The following RALGAPB variants were observed in gnomAD, a reference collection of about 807,000 sequenced individuals.
RALGAPB encodes ral GTPase-activating protein subunit beta.
RALGAPB carries 25 observed loss-of-function variants against 161.1 expected under a neutral mutation model. That is an observed-to-expected ratio of 0.16 (90% CI 0.11 to 0.22). The LOEUF (loss-of-function observed/expected upper bound fraction) is 0.22. Among genes scored for constraint, RALGAPB ranks in the 10% least tolerant of loss-of-function variants. RALGAPB has a pLI of 1.00. For synonymous variants in RALGAPB, 629 were observed against 626.1 expected (o/e 1.00, Z -0.07); for missense variants, 1,391 against 1,815.2 (o/e 0.77, Z 4.25).
intron 23 of RALGAPB, among the ~76,000 whole-genome samples, chr20:38,560,609 T>A (rs1026172925): frequency 2.6e-5 from 4 of 152,186 alleles, no homozygotes; most frequent in African/African-American, 9.7e-5. Context: ...GGATCTGTTT[T>A]GCAGCAAATC....
intron 17 of RALGAPB, 29 bp from the exon 18 acceptor site, chr20:38,541,012 A>G (rs771430710): frequency 1.2e-6 from 2 of 1,607,808 alleles, no homozygotes; most frequent in South Asian, 1.1e-5. Flanking sequence ...GGTGTGTTCT[A>G]AAAATTGATC....
chr20:38,575,270 T>G lies in RALGAPB; in HGVS notation c.*303T>G, dbSNP rs2145557929. 3.7e-6 allele frequency: 1 copy of G among 268,978 alleles called. No individual in the cohort carries two copies. Among genetic ancestry groups the G allele is most frequent in the Non-Finnish European group, 7.1e-6 (1 of 141,430 alleles). 16.7% of individuals were successfully genotyped at this position (268,978 alleles called of 1,614,324 possible). A position where few individuals can be genotyped will look rare whatever the true frequency, so the allele number is the denominator to read the frequency against. ...AGCCTTTTGAGGAGAAAGGCTTTTA[T>G]GCATCTCAGTTAAACACGTGCATTG... On this transcript the variant is annotated 3_prime_UTR_variant, in exon 30 of 30. Coordinates refer to ENST00000262879, the MANE Select transcript of RALGAPB (RefSeq NM_020336.4).
At chr20:38,548,618 A>G in intron 19 of RALGAPB, 71 bp from the exon 20 acceptor site, 1 of 1,174,250 alleles carries the variant, frequency 8.5e-7, no homozygotes, top group South Asian at 1.3e-5. Flanking sequence ...GAAGCTCTGC[A>G]GTTGATAACA....
At position 38,565,440 on chromosome 20, in the gene RALGAPB, A is replaced by G; in HGVS notation, c.3779A>G (p.Glu1260Gly). The G allele has an allele frequency of 1.2e-6, 2 of 1,613,636 alleles. No homozygotes were observed. Among genetic ancestry groups the G allele is most frequent in the Non-Finnish European group, 1.7e-6 (2 of 1,179,694 alleles). The part of the protein sequence containing the change: ...KVLYYADALT[E>G]IAFVVPSPVE... ...CTGTATTATGCTGATGCCCTTACAG[A>G]AATTGCTTTTGTGGTTCCTTCTCCT... Residue 1260 changes from glutamate (E) to glycine (G), a missense_variant, in exon 25 of 30, where the codon GAA (glutamate) becomes GGA (glycine). Physicochemically the swap from Glu to Gly is moderately conservative, Grantham distance 98 (BLOSUM62 -2). Coordinates refer to ENST00000262879, the MANE Select transcript of RALGAPB (RefSeq NM_020336.4).
At chr20:38,537,550 C>G (rs899471212) in intron 16 of RALGAPB, among the ~76,000 whole-genome samples, 1 of 152,120 alleles carries the variant, frequency 6.6e-6, no homozygotes, top group Non-Finnish European at 1.5e-5. Flanking sequence ...TTAGGTGTTA[C>G]GCTAGAAGAA....
At chr20:38,562,995 G>C (rs2087841563) in intron 24 of RALGAPB, among the ~76,000 whole-genome samples, 1 of 152,142 alleles carries the variant, frequency 6.6e-6, no homozygotes, top group Admixed American at 6.5e-5. Context: ...AGGATCACTT[G>C]AGGCCAGGGA....
At chr20:38,510,766 C>G (rs941167280) in intron 6 of RALGAPB, among the ~76,000 whole-genome samples, 2 of 141,190 alleles carry the variant, frequency 1.4e-5, no homozygotes, top group African/African-American at 3.2e-5. Flanking sequence ...AAAAATTAGC[C>G]GGGCGTAGTG....
At chr20:38,539,586 T>C (rs758504314) in intron 16 of RALGAPB, among the ~76,000 whole-genome samples, 190 bp from the exon 17 acceptor site, 1 of 152,200 alleles carries the variant, frequency 6.6e-6, no homozygotes, top group Non-Finnish European at 1.5e-5. Context: ...ACTTGAAAAA[T>C]GCCACTATTT....
At chr20:38,571,043 T>C (rs1300967814) in intron 28 of RALGAPB, among the ~76,000 whole-genome samples, 196 bp downstream of exon 28, 2 of 152,178 alleles carry the variant, frequency 1.3e-5, no homozygotes, top group African/African-American at 2.4e-5. Flanking sequence ...AAAACCACTT[T>C]ATTGAAGTAT....
At chr20:38,561,417 A>G (rs553883376) in intron 23 of RALGAPB, among the ~76,000 whole-genome samples, 110 of 152,286 alleles carry the variant, frequency 7.2e-4, no homozygotes, top group African/African-American at 2.2e-3. Context: ...GTAACTTCCT[A>G]TATTTTGACT....
intron 28 of RALGAPB, among the ~76,000 whole-genome samples, chr20:38,571,878 G>T (rs905448980): frequency 2.0e-5 from 3 of 151,884 alleles, no homozygotes; most frequent in African/African-American, 4.8e-5. Context: ...TTTTCTTTTG[G>T]TTTTTTTGAA....
chr20:38,570,093 C>A, intron 27 of RALGAPB, 97 bp downstream of exon 27: 1 of 966,970 alleles, frequency 1.0e-6, no homozygotes, highest in Non-Finnish European at 1.6e-6. Context: ...CTGGTGTGGC[C>A]AGGAGCTAGT....
chr20:38,564,978 T>TCTGC (rs998721254), intron 24 of RALGAPB, among the ~76,000 whole-genome samples: 29 of 150,670 alleles, frequency 1.9e-4, no homozygotes, highest in Non-Finnish European at 3.0e-4. Flanking sequence ...TCTCTCTCTC[T>TCTGC]CTGCCTGCCT....
Position 38,472,856 on chromosome 20 carries a change from C to G in RALGAPB, c.-244C>G, listed in dbSNP as rs1178053936. The G allele has an allele frequency of 2.5e-6, 1 of 398,936 alleles. No homozygotes were observed. The highest frequency in any genetic ancestry group is 4.4e-6 in the Non-Finnish European group (1 of 226,068). The allele number at this position is 398,936 out of a possible 1,614,324, so 24.7% of individuals were successfully genotyped here. On this transcript the variant is annotated 5_prime_UTR_variant, in exon 1 of 30. Coordinates refer to ENST00000262879, the MANE Select transcript of RALGAPB (RefSeq NM_020336.4). ...GCCGCCCCTGGCAGTCGGAAGTTGC[C>G]TGAGCAGATCCCAGCCGGCTGGCTC...
At position 38,534,108 on chromosome 20, in the gene RALGAPB, C is replaced by T. The variant is rs2086734295; in HGVS notation, c.2246-966C>T. Among the ~76,000 whole-genome samples the T allele has an allele frequency of 2.1e-5, 3 of 141,032 alleles. No individual in the cohort carries two copies. In the Admixed American group the frequency reaches 2.2e-4, roughly 11 times the overall value. 92.5% of individuals were successfully genotyped at this position (141,032 alleles called of 152,430 possible). A position where few individuals can be genotyped will look rare whatever the true frequency, so the allele number is the denominator to read the frequency against. On this transcript the variant is annotated intron_variant, in intron 15 of 29. Transcript: ENST00000262879. Reference sequence around the variant, plus strand: ...GAGCCAAGATTGCGCCACTGTACTCCAGCCTGGGCAACAGAGCGAGACTCC... The same window carrying T: ...GAGCCAAGATTGCGCCACTGTACTCTAGCCTGGGCAACAGAGCGAGACTCC...
chr20:38,490,002 G>A (rs1309059019), intron 2 of RALGAPB, among the ~76,000 whole-genome samples: 1 of 151,404 alleles, frequency 6.6e-6, no homozygotes, highest in East Asian at 1.9e-4. Flanking sequence ...TGTTTCCTCT[G>A]GAATTATACT....
At chr20:38,564,721 G>A (rs575917188) in intron 24 of RALGAPB, among the ~76,000 whole-genome samples, 1 of 152,168 alleles carries the variant, frequency 6.6e-6, no homozygotes, top group Non-Finnish European at 1.5e-5. Context: ...CAGTGTCACT[G>A]ACCATTGAGG....
intron 5 of RALGAPB, among the ~76,000 whole-genome samples, chr20:38,507,378 T>C (rs1323044375): frequency 1.3e-5 from 2 of 152,122 alleles, no homozygotes; most frequent in African/African-American, 2.4e-5. Flanking sequence ...GTTGTTGTTA[T>C]TTTTGTTTTT....
In RALGAPB at chr20:38,574,934, C is replaced by T; in HGVS notation, c.4452C>T (p.Phe1484=). 6.2e-7 allele frequency: 1 copy of T among 1,613,764 alleles called. No individual in the cohort carries two copies. Among genetic ancestry groups the T allele is most frequent in the Non-Finnish European group, 8.5e-7 (1 of 1,179,690 alleles). ...QLEPEFYTSL[F]QEVGLKNCSS is the part of the protein sequence containing the mutation. ...AGCCAGAGTTTTATACTTCACTTTT[C>T]CAGGAGGTTGGACTCAAGAACTGCA... Residue 1484 remains phenylalanine, a synonymous_variant, in exon 30 of 30, where the codon TTC becomes TTT. Transcript: ENST00000262879.
Sources: gnomAD v4.1 joint callset for allele counts (sites outside exome capture counted in the v4.1 genomes callset) on GRCh38, gnomAD v4.1.1 for gene constraint, MANE v1.5 for transcripts, NCBI Gene and HGNC (gene_info 2026-07-23, HGNC 2026-07-21) for gene names.